Variants in TSPAN5 observed in about 807,000 individuals in gnomAD.
The protein encoded by TSPAN5 is tetraspanin-5.
TSPAN5 carries 10 observed loss-of-function variants against 37.1 expected under a neutral mutation model. The observed-to-expected ratio is 0.27, with a 90% CI of 0.17 to 0.46. The LOEUF (loss-of-function observed/expected upper bound fraction) is 0.46. TSPAN5 is among the 20% of genes least tolerant of loss of function. TSPAN5 has a pLI of 1.00. For missense variants in TSPAN5, 195 were observed against 326.6 expected (o/e 0.60, Z 3.11); for synonymous variants, 110 against 118.9 (o/e 0.93, Z 0.48).
intron 1 of TSPAN5, among the ~76,000 whole-genome samples, chr4:98,524,471 T>A (rs569085993): frequency 2.6e-5 from 4 of 152,192 alleles, no homozygotes; most frequent in African/African-American, 9.6e-5. Context: ...GATTAATTAG[T>A]GCTCCATGTC....
At chr4:98,572,876 T>C (rs1471171598) in intron 1 of TSPAN5, among the ~76,000 whole-genome samples, 1 of 152,244 alleles carries the variant, frequency 6.6e-6, no homozygotes, top group Non-Finnish European at 1.5e-5. Flanking sequence ...ATTGTCTAAC[T>C]CATGAGAAAG....
At chr4:98,516,971 T>C (rs2110112603) in intron 1 of TSPAN5, among the ~76,000 whole-genome samples, 1 of 152,300 alleles carries the variant, frequency 6.6e-6, no homozygotes, top group African/African-American at 2.4e-5. Context: ...TGCAGAACCA[T>C]GAGCTAAGTA....
At chr4:98,539,256 A>G (rs116604650) in intron 1 of TSPAN5, among the ~76,000 whole-genome samples, 27 of 152,202 alleles carry the variant, frequency 1.8e-4, no homozygotes, top group African/African-American at 6.0e-4. Context: ...ATCATTTACA[A>G]ATCTCTGTTT....
chr4:98,617,922 T>C (rs1483264525), intron 1 of TSPAN5, among the ~76,000 whole-genome samples: 1 of 152,162 alleles, frequency 6.6e-6, no homozygotes, highest in Non-Finnish European at 1.5e-5. Flanking sequence ...GCCCCAGATA[T>C]CCAAGAAACC....
chr4:98,535,974 G>A (rs116513955), intron 1 of TSPAN5, among the ~76,000 whole-genome samples: 5 of 152,144 alleles, frequency 3.3e-5, no homozygotes. Flanking sequence ...CATTGGGTTA[G>A]AGCATGCTCG....
chr4:98,560,788 G>C (rs1754864241), intron 1 of TSPAN5, among the ~76,000 whole-genome samples: 1 of 152,178 alleles, frequency 6.6e-6, no homozygotes, highest in Admixed American at 6.5e-5. Context: ...AAGTAAAAAA[G>C]GCAGTGTAGG....
At chr4:98,642,393 G>C (rs1756975991) in intron 1 of TSPAN5, among the ~76,000 whole-genome samples, 1 of 152,142 alleles carries the variant, frequency 6.6e-6, no homozygotes, top group Admixed American at 6.6e-5. Context: ...ATAGTTCAAA[G>C]AGTTTCTTTT....
chr4:98,539,810 A>C lies in TSPAN5; in HGVS notation c.82-32082T>G, dbSNP rs538407270. On this transcript the variant is annotated intron_variant, in intron 1 of 7. Transcript: ENST00000305798. ...GACCAACAGAATACAACAGAAGTGC[A>C]GGAACATCCTTTCTAAGATCAGCGT... Among the ~76,000 whole-genome samples, 130 of 129,576 alleles carry C rather than the reference A, an allele frequency of 1.0e-3. 1 individual carries two copies. The highest frequency in any genetic ancestry group is 6.5e-4 in the Non-Finnish European group (37 of 56,814). 85.0% of individuals were successfully genotyped at this position (129,576 alleles called of 152,430 possible). A position where few individuals can be genotyped will look rare whatever the true frequency, so the allele number is the denominator to read the frequency against.
At chr4:98,579,637 C>T (rs1755325582) in intron 1 of TSPAN5, among the ~76,000 whole-genome samples, 1 of 152,182 alleles carries the variant, frequency 6.6e-6, no homozygotes, top group Admixed American at 6.5e-5. Context: ...AATTGCGTTA[C>T]AAGAATGCAC....
intron 1 of TSPAN5, among the ~76,000 whole-genome samples, chr4:98,624,493 A>AT (rs1334516341): frequency 6.6e-6 from 1 of 152,196 alleles, no homozygotes; most frequent in Non-Finnish European, 1.5e-5. Flanking sequence ...AAGTTACTTG[A>AT]TTTAATCTAG....
At chr4:98,602,941 C>T (rs533750367) in intron 1 of TSPAN5, among the ~76,000 whole-genome samples, 65 of 152,180 alleles carry the variant, frequency 4.3e-4, no homozygotes, top group African/African-American at 1.5e-3. Flanking sequence ...TGGAATATGG[C>T]GAGAAGGTGG....
At chr4:98,476,830 G>C (rs1005590826) in intron 5 of TSPAN5, among the ~76,000 whole-genome samples, 9 of 152,194 alleles carry the variant, frequency 5.9e-5, no homozygotes, top group Non-Finnish European at 1.3e-4. Flanking sequence ...GAATCTTCAT[G>C]TATGCTCTTT....
intron 1 of TSPAN5, among the ~76,000 whole-genome samples, chr4:98,619,421 T>C (rs1043770347): frequency 2.6e-5 from 4 of 152,212 alleles, no homozygotes; most frequent in African/African-American, 9.6e-5. Context: ...CTGTTGATCA[T>C]GCTTGGATCA....
At chr4:98,533,565 T>TTTTTTTTTTTTTTTTTTTG (rs1754153101) in intron 1 of TSPAN5, among the ~76,000 whole-genome samples, 1 of 132,378 alleles carries the variant, frequency 7.6e-6, no homozygotes, top group African/African-American at 2.9e-5. Flanking sequence ...TTTTTTTTTT[T>TTTTTTTTTTTTTTTTTTTG]CTTGAGACAG....
chr4:98,584,551 A>T (rs1755444101), intron 1 of TSPAN5, among the ~76,000 whole-genome samples: 1 of 152,210 alleles, frequency 6.6e-6, no homozygotes, highest in Non-Finnish European at 1.5e-5. Context: ...ATTTGCAAAG[A>T]TATTACACAC....
chr4:98,525,615 C>T (rs1268777414), intron 1 of TSPAN5, among the ~76,000 whole-genome samples: 2 of 152,126 alleles, frequency 1.3e-5, no homozygotes, highest in African/African-American at 2.4e-5. Flanking sequence ...CTTGCTCTGT[C>T]CCCCAGGCTG....
chr4:98,501,079 G>A (rs1753336480), intron 2 of TSPAN5, among the ~76,000 whole-genome samples: 1 of 152,180 alleles, frequency 6.6e-6, no homozygotes, highest in Non-Finnish European at 1.5e-5. Flanking sequence ...AAGCATAAGA[G>A]TTGAGCAAAA....
At chr4:98,635,398 T>C (rs1054011308) in intron 1 of TSPAN5, among the ~76,000 whole-genome samples, 2 of 152,150 alleles carry the variant, frequency 1.3e-5, no homozygotes, top group African/African-American at 4.8e-5. Flanking sequence ...ATCCCAACAA[T>C]GAATCCCCTA....
At chr4:98,536,667 C>G (rs1305257351) in intron 1 of TSPAN5, among the ~76,000 whole-genome samples, 5 of 152,232 alleles carry the variant, frequency 3.3e-5, no homozygotes, top group African/African-American at 1.2e-4. Flanking sequence ...CTGACTGGGG[C>G]TGCTACCTTT....
Sources: allele counts gnomAD v4.1 joint callset (sites outside exome capture counted in the v4.1 genomes callset), GRCh38; gene constraint gnomAD v4.1.1; transcripts MANE v1.5; gene names NCBI Gene and HGNC (gene_info 2026-07-23, HGNC 2026-07-21).